The following IL3RA variants were observed in gnomAD, a reference collection of about 807,000 sequenced individuals.
The protein encoded by IL3RA is interleukin-3 receptor subunit alpha.
Under a neutral mutation model 52.3 loss-of-function variants are expected in IL3RA, and 73 were observed. That is an observed-to-expected ratio of 1.40 (90% CI 1.16 to 1.70). The LOEUF (loss-of-function observed/expected upper bound fraction) is 1.70, where lower values mean the gene tolerates loss of function less well. Ranked by LOEUF, IL3RA falls within the 40% of genes most tolerant of loss-of-function variation. The pLI, the probability that IL3RA is intolerant of heterozygous loss-of-function variation, is 0.00. For synonymous variants in IL3RA, 260 were observed against 194.0 expected (o/e 1.34, Z -2.83); for missense variants, 664 against 504.4 (o/e 1.32, Z -3.03).
chrX:1,347,863 C>G (rs777076879), intron 3 of IL3RA, among the ~76,000 whole-genome samples: 1 of 149,072 alleles, frequency 6.7e-6, no homozygotes, highest in African/African-American at 2.5e-5. Flanking sequence ...ACGGTGAAAC[C>G]CCGTCTCTAC....
At chrX:1,343,024 T>C (rs17886124) in intron 2 of IL3RA, among the ~76,000 whole-genome samples, 6 of 150,828 alleles carry the variant, frequency 4.0e-5, no homozygotes, top group Admixed American at 6.6e-5. Flanking sequence ...GCAGTGAGCC[T>C]AGATCACGCC....
At chrX:1,363,908 C>A (rs1288226255) in intron 8 of IL3RA, among the ~76,000 whole-genome samples, 1 of 151,690 alleles carries the variant, frequency 6.6e-6, no homozygotes, top group African/African-American at 2.4e-5. Context: ...TTTGGCTGGG[C>A]GCGGTGGCTC....
chrX:1,352,676 G>A (rs1344141561), intron 6 of IL3RA, among the ~76,000 whole-genome samples, 170 bp downstream of exon 6: 3 of 152,298 alleles, frequency 2.0e-5, no homozygotes, highest in Admixed American at 6.5e-5. Flanking sequence ...CTCCTCGGGA[G>A]GTCTCTTCCT....
chrX:1,360,555 G>A lies in IL3RA; in HGVS notation c.759+1668G>A, dbSNP rs148253511. Among the ~76,000 whole-genome samples the A allele has an allele frequency of 6.2e-3, 938 of 151,256 alleles. 4 individuals carry two copies. The highest frequency in any genetic ancestry group is 0.017 in the Middle Eastern group (5 of 292). On this transcript the variant is annotated intron_variant, in intron 8 of 11. Coordinates refer to ENST00000331035, the MANE Select transcript of IL3RA (RefSeq NM_002183.4). Reference sequence around the variant, plus strand: ...CTTTTTGAAACGGAGTTTTTCTCTTGTTGCCCAGGCTGGAGTGCGATGGCA... The same window carrying A: ...CTTTTTGAAACGGAGTTTTTCTCTTATTGCCCAGGCTGGAGTGCGATGGCA...
chrX:1,357,761 T>C (rs1474248473), intron 7 of IL3RA, among the ~76,000 whole-genome samples: 2 of 151,718 alleles, frequency 1.3e-5, no homozygotes. Context: ...ATTTCTTTTA[T>C]ATTACCAAGT....
At chrX:1,341,354 C>A (rs759541438) in intron 1 of IL3RA, among the ~76,000 whole-genome samples, 1 of 152,008 alleles carries the variant, frequency 6.6e-6, no homozygotes, top group South Asian at 2.1e-4. Context: ...CAGATACACA[C>A]GGGCACAAAA....
At chrX:1,379,831 T>C (rs1213151375) in intron 10 of IL3RA, among the ~76,000 whole-genome samples, 1 of 152,002 alleles carries the variant, frequency 6.6e-6, no homozygotes, top group Non-Finnish European at 1.5e-5. Context: ...GCCATCTCGG[T>C]TCACTGCAAC....
intron 2 of IL3RA, 44 bp downstream of exon 2, chrX:1,341,873 G>A: frequency 5.0e-6 from 8 of 1,594,478 alleles, no homozygotes; most frequent in Non-Finnish European, 6.9e-6. Context: ...GGGGAGCGGT[G>A]GGGGTAGACA....
intron 8 of IL3RA, 47 bp from the exon 9 acceptor site, chrX:1,365,091 G>A (rs144411223): frequency 0.022 from 31,116 of 1,427,402 alleles, 1,051 homozygotes; most frequent in East Asian, 0.15. Flanking sequence ...TGAGAGTCAT[G>A]AGCCACCATA....
At chrX:1,362,672 G>A (rs1301062777) in intron 8 of IL3RA, among the ~76,000 whole-genome samples, 2 of 152,060 alleles carry the variant, frequency 1.3e-5, no homozygotes, top group Non-Finnish European at 2.9e-5. Flanking sequence ...GCTTCTCCCA[G>A]CTCCTGGGGA....
rs1556619117 is a variant in IL3RA, at chrX:1,348,680, T to TTCTTTC, written c.298+137_298+142dup. On this transcript the variant is annotated intron_variant, in intron 4 of 11. Coordinates refer to ENST00000331035, the MANE Select transcript of IL3RA (RefSeq NM_002183.4). ...TTTCTTTCTTTCTTTCTTTCTTTCT[T>TTCTTTC]TCTTTCTTTCTTTTTCTTTCTTTCT... 196 of 398,138 alleles carry TTCTTTC rather than the reference T, an allele frequency of 4.9e-4. 2 individuals are homozygous for TTCTTTC. In the African/African-American group the frequency reaches 7.0e-3, roughly 14 times the overall value. The allele number at this position is 398,138 out of a possible 1,614,324, so 24.7% of individuals were successfully genotyped here. A position where few individuals can be genotyped will look rare whatever the true frequency, so the allele number is the denominator to read the frequency against.
At chrX:1,361,609 A>G (rs2087372286) in intron 8 of IL3RA, among the ~76,000 whole-genome samples, 1 of 151,654 alleles carries the variant, frequency 6.6e-6, no homozygotes. Context: ...AATTACCCAG[A>G]CGTGGTGGTG....
At chrX:1,367,599 C>A (rs1290167287) in intron 9 of IL3RA, among the ~76,000 whole-genome samples, 11 of 78,832 alleles carry the variant, frequency 1.4e-4, no homozygotes, top group Admixed American at 2.7e-4. Flanking sequence ...GAGCCGGGTG[C>A]GCGGGGTGAG....
intron 4 of IL3RA, among the ~76,000 whole-genome samples, chrX:1,348,842 C>G (rs1242469246): frequency 6.8e-6 from 1 of 146,072 alleles, no homozygotes; most frequent in Non-Finnish European, 1.5e-5. Context: ...TTCCTCCCTC[C>G]TCCTTCCCAC....
intron 2 of IL3RA, among the ~76,000 whole-genome samples, chrX:1,344,575 C>T (rs1419345761): frequency 6.6e-6 from 1 of 151,180 alleles, no homozygotes; most frequent in East Asian, 2.0e-4. Flanking sequence ...GAGATCGAGA[C>T]CATCCTGGCC....
At chrX:1,360,753 C>G (rs2087204074) in intron 8 of IL3RA, among the ~76,000 whole-genome samples, 1 of 151,828 alleles carries the variant, frequency 6.6e-6, no homozygotes, top group East Asian at 1.9e-4. Context: ...GTCTCGAACT[C>G]CTGACCTCAG....
intron 2 of IL3RA, among the ~76,000 whole-genome samples, chrX:1,344,313 T>G (rs1173777991): frequency 1.3e-5 from 2 of 148,918 alleles, no homozygotes; most frequent in African/African-American, 5.0e-5. Context: ...AGGCACCTGT[T>G]ATCCCAGCTG....
intron 1 of IL3RA, among the ~76,000 whole-genome samples, chrX:1,338,059 C>A (rs1481480766): frequency 2.7e-5 from 4 of 150,052 alleles, no homozygotes; most frequent in Non-Finnish European, 4.4e-5. Context: ...TATTATACAG[C>A]CATGAAAAGG....
chrX:1,352,753 T>G (rs2086169349), intron 6 of IL3RA, among the ~76,000 whole-genome samples: 1 of 152,160 alleles, frequency 6.6e-6, no homozygotes, highest in Admixed American at 6.5e-5. Flanking sequence ...GAGATGAAGT[T>G]CTGGGGTCTC....
Sources: gnomAD v4.1 joint callset for allele counts (sites outside exome capture counted in the v4.1 genomes callset) on GRCh38, gnomAD v4.1.1 for gene constraint, MANE v1.5 for transcripts, NCBI Gene and HGNC (gene_info 2026-07-23, HGNC 2026-07-21) for gene names.